Variants in NCAM1 observed in about 807,000 individuals in gnomAD.
NCAM1 encodes neural cell adhesion molecule 1, also known as antigen recognized by monoclonal antibody 5.1H11.
NCAM1 carries 14 observed loss-of-function variants against 109.8 expected under a neutral mutation model. The observed-to-expected ratio is 0.13, with a 90% confidence interval of 0.08 to 0.20. The LOEUF (loss-of-function observed/expected upper bound fraction) is 0.20. Among genes scored for constraint, NCAM1 ranks in the 10% least tolerant of loss-of-function variants. The pLI, the probability that NCAM1 is intolerant of heterozygous loss-of-function variation, is 1.00. For synonymous variants in NCAM1, 418 were observed against 442.9 expected (o/e 0.94, Z 0.70); for missense variants, 774 against 1,109.9 (o/e 0.70, Z 4.30).
At position 113,132,604 on chromosome 11, in the gene NCAM1, ATGTGTGTGTGTGTG is replaced by A. The variant is rs71060290; in HGVS notation, c.53-69741_53-69728del. On this transcript the variant is annotated intron_variant, in intron 1 of 19. Coordinates refer to ENST00000316851, the MANE Select transcript of NCAM1 (RefSeq NM_181351.5). ...TGGGATCAGGCATATATTAGGAAGC[ATGTGTGTGTGTGTG>A]TGTGTGTGTGTGTGTGTGTGTGTGT... Among the ~76,000 whole-genome samples, 298 of 130,406 alleles carry A rather than the reference ATGTGTGTGTGTGTG, an allele frequency of 2.3e-3. 2 individuals carry two copies. Among genetic ancestry groups the A allele is most frequent in the Admixed American group, 6.9e-3 (93 of 13,522 alleles). The allele number at this position is 130,406 out of a possible 152,430, so 85.6% of individuals were successfully genotyped here.
chr11:113,128,519 G>A (rs1327029739), intron 1 of NCAM1, among the ~76,000 whole-genome samples: 2 of 151,608 alleles, frequency 1.3e-5, no homozygotes, highest in Non-Finnish European at 2.9e-5. Context: ...GAAAAGTCAC[G>A]ATAAGGGGTA....
At chr11:112,993,811 A>C (rs952343274) in intron 1 of NCAM1, among the ~76,000 whole-genome samples, 2 of 152,232 alleles carry the variant, frequency 1.3e-5, no homozygotes, top group African/African-American at 4.8e-5. Context: ...ATGAAGAATT[A>C]TTACAGTTTC....
At chr11:113,260,368 G>T in intron 17 of NCAM1, 45 bp downstream of exon 17, 1 of 1,585,742 alleles carries the variant, frequency 6.3e-7, no homozygotes, top group Non-Finnish European at 8.6e-7. Context: ...TTGAATTAAT[G>T]CACAAGTGCT....
At chr11:113,072,354 G>GT (rs1938310825) in intron 1 of NCAM1, among the ~76,000 whole-genome samples, 1 of 152,174 alleles carries the variant, frequency 6.6e-6, no homozygotes, top group Non-Finnish European at 1.5e-5. Context: ...TGAAATGGTA[G>GT]TTTCAGATAA....
intron 1 of NCAM1, among the ~76,000 whole-genome samples, chr11:113,198,984 A>G (rs1555111355): frequency 2.0e-5 from 3 of 152,212 alleles, no homozygotes; most frequent in African/African-American, 7.2e-5. Flanking sequence ...ACTGTCCACA[A>G]AAGAGGGCTT....
chr11:112,988,394 A>G (rs1951366147), intron 1 of NCAM1, among the ~76,000 whole-genome samples: 1 of 152,114 alleles, frequency 6.6e-6, no homozygotes, highest in African/African-American at 2.4e-5. Context: ...ACTTTTATAT[A>G]TATTTATTTT....
At chr11:113,076,909 T>A (rs1157070984) in intron 1 of NCAM1, among the ~76,000 whole-genome samples, 2 of 152,248 alleles carry the variant, frequency 1.3e-5, no homozygotes, top group African/African-American at 4.8e-5. Flanking sequence ...GGAGAAAAAA[T>A]TTCTATTTTG....
chr11:113,117,471 G>T (rs868940580), intron 1 of NCAM1, among the ~76,000 whole-genome samples: 1 of 151,778 alleles, frequency 6.6e-6, no homozygotes, highest in African/African-American at 2.4e-5. Context: ...ACTAATCCCC[G>T]CAGCTCAGAC....
intron 1 of NCAM1, among the ~76,000 whole-genome samples, chr11:112,968,124 C>T (rs1950775005): frequency 1.3e-5 from 2 of 152,140 alleles, no homozygotes; most frequent in Non-Finnish European, 2.9e-5. Context: ...GTTTATTAAA[C>T]GTGGACCTCA....
chr11:113,065,119 G>T (rs1056694888), intron 1 of NCAM1, among the ~76,000 whole-genome samples: 50 of 152,148 alleles, frequency 3.3e-4, no homozygotes, highest in African/African-American at 1.1e-3. Context: ...AATGGGTGGA[G>T]TCTGTTAAAG....
chr11:112,977,873 T>C (rs138094271), intron 1 of NCAM1, among the ~76,000 whole-genome samples: 11 of 152,046 alleles, frequency 7.2e-5, no homozygotes, highest in African/African-American at 2.6e-4. Context: ...GTGCATGCAC[T>C]AAGAAGTCCA....
At position 113,040,198 on chromosome 11, in the gene NCAM1, T is replaced by C. The variant is rs149689284; in HGVS notation, c.52+78534T>C. On this transcript the variant is annotated intron_variant, in intron 1 of 19. Transcript: ENST00000316851. ...AAATTAATTGATGCGATATCTTACCTTTTTGCTGTTGTTTTACTGACTCTT... is the reference window on the plus strand; with the variant it reads ...AAATTAATTGATGCGATATCTTACCCTTTTGCTGTTGTTTTACTGACTCTT... Among the ~76,000 whole-genome samples, 48 of 152,290 alleles carry C rather than the reference T, an allele frequency of 3.2e-4. 1 individual carries two copies. The highest frequency in any genetic ancestry group is 1.1e-3 in the African/African-American group (45 of 41,568).
chr11:113,046,918 A>G (rs1428341519), intron 1 of NCAM1, among the ~76,000 whole-genome samples: 5 of 152,212 alleles, frequency 3.3e-5, no homozygotes, highest in South Asian at 2.1e-4. Flanking sequence ...AAGATGATAG[A>G]TAGATAGATG....
At chr11:113,066,979 G>C (rs1444618014) in intron 1 of NCAM1, among the ~76,000 whole-genome samples, 7 of 147,596 alleles carry the variant, frequency 4.7e-5, no homozygotes, top group African/African-American at 1.8e-4. Context: ...ACTCCGGCCT[G>C]GGTGACAGAG....
intron 1 of NCAM1, among the ~76,000 whole-genome samples, chr11:113,024,161 A>G (rs1952473718): frequency 6.6e-6 from 1 of 152,160 alleles, no homozygotes; most frequent in Admixed American, 6.5e-5. Flanking sequence ...AGAATCTACT[A>G]GCAACAACCT....
At chr11:113,177,834 A>G (rs1339747617) in intron 1 of NCAM1, among the ~76,000 whole-genome samples, 1 of 151,754 alleles carries the variant, frequency 6.6e-6, no homozygotes, top group Non-Finnish European at 1.5e-5. Flanking sequence ...CTCTCCCAGC[A>G]CTCCGTTTCT....
At chr11:113,024,717 A>C (rs183245860) in intron 1 of NCAM1, among the ~76,000 whole-genome samples, 135 of 152,308 alleles carry the variant, frequency 8.9e-4, no homozygotes, top group African/African-American at 3.0e-3. Flanking sequence ...AAAAAAACTG[A>C]AGCCAGGGGT....
At chr11:113,271,932 C>T in intron 19 of NCAM1, 56 bp downstream of exon 19, 6 of 1,300,530 alleles carry the variant, frequency 4.6e-6, no homozygotes, top group Non-Finnish European at 5.3e-6. Flanking sequence ...ACACCCACCT[C>T]CCCACCCTAC....
intron 1 of NCAM1, among the ~76,000 whole-genome samples, chr11:113,151,987 G>C (rs560594591): frequency 6.6e-6 from 1 of 152,264 alleles, no homozygotes; most frequent in South Asian, 2.1e-4. Context: ...CTGGGCATTT[G>C]ATCATCTCTA....
Sources: gnomAD v4.1 joint callset for allele counts (sites outside exome capture counted in the v4.1 genomes callset) on GRCh38, gnomAD v4.1.1 for gene constraint, MANE v1.5 for transcripts, NCBI Gene and HGNC (gene_info 2026-07-23, HGNC 2026-07-21) for gene names.